SPTBN5: variants seen among roughly 807,000 people sequenced by gnomAD.
SPTBN5 encodes spectrin beta, non-erythrocytic 5.
SPTBN5 carries 513 observed loss-of-function variants against 477.6 expected under a neutral mutation model. The observed-to-expected ratio is 1.07, with a 90% CI of 1.00 to 1.16. SPTBN5 has a LOEUF of 1.16. SPTBN5 is among the 50% of genes most tolerant of loss of function. The probability of loss-of-function intolerance (pLI) is 0.00; values close to 1 mark genes in which losing one functional copy is unlikely to be tolerated. For synonymous variants in SPTBN5, 2,169 were observed against 2,011.7 expected (o/e 1.08, Z -2.09); for missense variants, 5,062 against 4,731.8 (o/e 1.07, Z -2.05).
rs370136822 is a variant in SPTBN5 at position 41,857,478 on chromosome 15, C to T, written c.8381G>A (p.Arg2794Gln). 4.4e-5 allele frequency: 70 copies of T among 1,607,930 alleles called. No individual in the cohort carries two copies. The highest frequency in any genetic ancestry group is 2.0e-4 in the East Asian group (9 of 44,730). The change falls in exon 51 of 68, where the codon CGG (arginine) becomes CAG (glutamine). Residue 2794 changes from arginine (R) to glutamine (Q), a missense_variant. Transcript: ENST00000320955. ...CCAGTTCTCCAGTTCCTCCATGCTC[C>T]GCCGCAGACGCAGGGCCTAGGGTAG... ...QKACEALRLR[R>Q]SMEELENWLE...
At chr15:41,871,963 C>T (rs562806272) in intron 27 of SPTBN5, 46 bp from the exon 28 acceptor site, 30 of 1,482,558 alleles carry the variant, frequency 2.0e-5, no homozygotes, top group South Asian at 4.1e-5. Flanking sequence ...TGCCCACCCC[C>T]CTGGGGGCCA....
Position 41,854,196 on chromosome 15 carries a change from C to T in SPTBN5, c.9628G>A (p.Ala3210Thr), listed in dbSNP as rs1487543282. 2 of 1,597,096 alleles carry T rather than the reference C, an allele frequency of 1.3e-6. No individual in the cohort carries two copies. The highest frequency in any genetic ancestry group is 8.5e-7 in the Non-Finnish European group (1 of 1,172,074). ...TGAAAGCTGTGGACCTCATGGGCTGCAGCCAAGTTCTGGGAGAGGAGAAAG... is the reference window on the plus strand; with the variant it reads ...TGAAAGCTGTGGACCTCATGGGCTGTAGCCAAGTTCTGGGAGAGGAGAAAG... The part of the protein sequence containing the change: ...AIKARTENLA[A>T]AHEVHSFQQA... Residue 3210 changes from alanine (A) to threonine (T), a missense_variant, in exon 57 of 68, where the codon GCA becomes ACA. Coordinates refer to ENST00000320955, the MANE Select transcript of SPTBN5 (RefSeq NM_016642.4).
At chr15:41,883,595 C>T (rs1270798952) in intron 7 of SPTBN5, 109 bp from the exon 8 acceptor site, 9 of 1,350,772 alleles carry the variant, frequency 6.7e-6, no homozygotes, top group Non-Finnish European at 9.2e-6. Flanking sequence ...GTCTGACCTC[C>T]ATGGCTGGGG....
At chr15:41,857,075 G>A (rs1250708798) in intron 51 of SPTBN5, 36 bp from the exon 52 acceptor site, 6 of 1,576,342 alleles carry the variant, frequency 3.8e-6, no homozygotes, top group Non-Finnish European at 5.2e-6. Context: ...GGGAGGCAGG[G>A]ACCAGGGTGT....
At chr15:41,882,759 C>G in intron 9 of SPTBN5, 21 bp from the exon 10 acceptor site, 2 of 1,603,236 alleles carry the variant, frequency 1.2e-6, no homozygotes, top group Non-Finnish European at 1.7e-6. Context: ...ATAGGGGCCA[C>G]CGAAGGACAT....
chr15:41,852,089 A>G, intron 62 of SPTBN5, 93 bp downstream of exon 62: 2 of 1,455,348 alleles, frequency 1.4e-6, no homozygotes, highest in Non-Finnish European at 1.8e-6. Flanking sequence ...CACTGGCTCC[A>G]GGGTGTGGGC....
intron 62 of SPTBN5, 46 bp downstream of exon 62, chr15:41,852,136 A>AG: frequency 6.5e-7 from 1 of 1,538,310 alleles, no homozygotes; most frequent in Non-Finnish European, 8.8e-7. Flanking sequence ...TGCATGCTTC[A>AG]GGGAGACCAC....
At chr15:41,878,192 T>G (rs2066811491) in intron 17 of SPTBN5, 150 bp downstream of exon 17, 1 of 892,934 alleles carries the variant, frequency 1.1e-6, no homozygotes, top group South Asian at 1.8e-5. Flanking sequence ...TGTGTAAACT[T>G]GCCTCAAGCA....
rs201500312 is a variant in SPTBN5 at position 41,863,742 on chromosome 15, G to C, written c.7111C>G (p.Arg2371Gly). The C allele has an allele frequency of 2.5e-6, 4 of 1,613,458 alleles. No individual in the cohort carries two copies. The highest frequency in any genetic ancestry group is 3.4e-6 in the Non-Finnish European group (4 of 1,179,848). Reference protein sequence around the residue: ...EGALEIHVLSRELDNVTKRIQ... With the variant: ...EGALEIHVLSGELDNVTKRIQ... Reference sequence around the variant, plus strand: ...CTCTTGGTGACATTGTCCAGCTCTCGGGACAACACGTGTATCTCCAAGGCC... The same window carrying C: ...CTCTTGGTGACATTGTCCAGCTCTCCGGACAACACGTGTATCTCCAAGGCC... Residue 2371 changes from arginine to glycine, a missense_variant, in exon 41 of 68, where the codon CGA (arginine) becomes GGA (glycine). Arg to Gly is a moderately radical substitution (Grantham distance 125). Transcript: ENST00000320955.
At chr15:41,893,572 G>T (rs1432420109) in intron 1 of SPTBN5, 26 bp from the exon 2 acceptor site, 1 of 1,515,994 alleles carries the variant, frequency 6.6e-7, no homozygotes, top group South Asian at 1.2e-5. Flanking sequence ...ATTAGGGGAT[G>T]ATGTGAATGG....
Position 41,883,045 on chromosome 15 carries a change from T to G in SPTBN5, c.1843A>C (p.Arg615=), listed in dbSNP as rs372825632. Residue 615 remains arginine (R), a synonymous_variant, in exon 9 of 68, where the codon AGG becomes CGG. Transcript: ENST00000320955. Reference sequence around the variant, plus strand: ...CTCTGTTGGAGCTGGGCCAGTGTCCTGGCCTTGGCCTGCAGCACCTCCACA... The same window carrying G: ...CTCTGTTGGAGCTGGGCCAGTGTCCGGGCCTTGGCCTGCAGCACCTCCACA... ...TSVEVLQAKA[R]TLAQLQQSLV... The G allele has an allele frequency of 2.0e-5, 31 of 1,567,906 alleles. No homozygotes were observed. In the South Asian group the frequency reaches 2.2e-4, roughly 11 times the overall value.
At chr15:41,873,375 T>G in intron 26 of SPTBN5, 117 bp downstream of exon 26, 11 of 774,464 alleles carry the variant, frequency 1.4e-5, no homozygotes, top group Non-Finnish European at 2.3e-5. Flanking sequence ...GGGCTGTCTG[T>G]GTCTCCAGGA....
In SPTBN5 at chr15:41,892,953, G is replaced by GGC. The variant is rs748308400; in HGVS notation, c.323_324dup (p.Arg109AlafsTer90). On this transcript the variant is annotated frameshift_variant, in exon 3 of 68. Coordinates refer to ENST00000320955, the MANE Select transcript of SPTBN5 (RefSeq NM_016642.4). LOFTEE classifies it high-confidence loss of function. ...TTCTCCAGGAAGTGCACACGCAGGC[G>GGC]GCCCCGGCTCGGGGGTGGCAGGGCC... 6.2e-7 allele frequency: 1 copy of GGC among 1,608,920 alleles called. No homozygotes were observed. Among genetic ancestry groups the GGC allele is most frequent in the Non-Finnish European group, 8.5e-7 (1 of 1,179,724 alleles).
intron 47 of SPTBN5, 144 bp downstream of exon 47, chr15:41,860,442 G>A (rs2066067037): frequency 5.8e-6 from 5 of 861,548 alleles, no homozygotes; most frequent in Non-Finnish European, 7.9e-6. Context: ...AGGGGTGGTG[G>A]GGACCCCCGG....
chr15:41,870,196 AG>A, intron 31 of SPTBN5, 46 bp downstream of exon 31: 1 of 1,522,740 alleles, frequency 6.6e-7, no homozygotes. Flanking sequence ...GGCCAGCCTG[AG>A]GGGGCTGCAG....
At position 41,862,561 on chromosome 15, in the gene SPTBN5, GC is replaced by G; in HGVS notation, c.7362del (p.Gln2454HisfsTer56). On this transcript the variant is annotated frameshift_variant, in exon 43 of 68. Transcript: ENST00000320955. LOFTEE classifies it high-confidence loss of function. The part of the protein sequence containing the change: ...RQQEVAESWW[Q>X]LRSRAQKRRE... ...TACCGCTTCTGGGCCCTGCTCCGGA[GC>G]TGCCACCAGCTCTCAGCCACCTCCT... 6.4e-7 allele frequency: 1 copy of G among 1,562,756 alleles called. No homozygotes were observed. The highest frequency in any genetic ancestry group is 8.7e-7 in the Non-Finnish European group (1 of 1,154,158).
chr15:41,888,064 C>G lies in SPTBN5; in HGVS notation c.523G>C (p.Ala175Pro). Residue 175 changes from alanine (A) to proline (P), a missense_variant, in exon 5 of 68, where the codon GCC becomes CCC. Physicochemically the swap from Ala to Pro is conservative, Grantham distance 27. Transcript: ENST00000320955. ...LDKEEFGASAALLSTKEALLV... is the reference protein window; with the variant it reads ...LDKEEFGASAPLLSTKEALLV... Reference sequence around the variant, plus strand: ...AGGGCTTCCTTGGTGGACAGCAGGGCTGCGCTGGCCCCAAACTCCTCCTGG... The same window carrying G: ...AGGGCTTCCTTGGTGGACAGCAGGGGTGCGCTGGCCCCAAACTCCTCCTGG... 1 of 1,574,290 alleles carries G rather than the reference C, an allele frequency of 6.4e-7. No homozygotes were observed. Among genetic ancestry groups the G allele is most frequent in the South Asian group, 1.2e-5 (1 of 85,656 alleles).
At chr15:41,878,291 A>AGAGCCCT (rs1567219940) in intron 17 of SPTBN5, 51 bp downstream of exon 17, 2 of 1,585,064 alleles carry the variant, frequency 1.3e-6, no homozygotes, top group African/African-American at 2.7e-5. Context: ...CCCAGAGCCC[A>AGAGCCCT]GAGCCCTGGT....
chr15:41,860,502 G>A, intron 47 of SPTBN5, 84 bp downstream of exon 47: 1 of 1,298,996 alleles, frequency 7.7e-7, no homozygotes, highest in Non-Finnish European at 9.9e-7. Context: ...GCCAAGTAGT[G>A]GAAGGGTGGG....
Sources: gnomAD v4.1 joint callset for allele counts on GRCh38, gnomAD v4.1.1 for gene constraint, MANE v1.5 for transcripts, NCBI Gene and HGNC (gene_info 2026-07-23, HGNC 2026-07-21) for gene names.